SIGLEC5: variants seen among roughly 807,000 people sequenced by gnomAD.
SIGLEC5 encodes sialic acid binding Ig like lectin 5.
SIGLEC5 carries 34 observed loss-of-function variants against 45.9 expected under a neutral mutation model. The observed-to-expected ratio is 0.74, with a 90% confidence interval of 0.56 to 0.99. The LOEUF (loss-of-function observed/expected upper bound fraction) is 0.99. SIGLEC5 is among the 50% of genes least tolerant of loss of function. SIGLEC5 has a pLI of 0.00. For missense variants in SIGLEC5, 508 were observed against 629.6 expected (o/e 0.81, Z 2.07); for synonymous variants, 203 against 258.6 (o/e 0.79, Z 2.06).
intron 8 of SIGLEC5, among the ~76,000 whole-genome samples, 157 bp downstream of exon 8, chr19:51,625,875 A>T (rs1475962266): frequency 6.6e-6 from 1 of 152,180 alleles, no homozygotes; most frequent in African/African-American, 2.4e-5. Flanking sequence ...GTTGAATGGG[A>T]CATAATGATT....
rs751808822 is a variant in SIGLEC5 at position 51,627,873 on chromosome 19, G to A, written c.958C>T (p.Leu320=). 1.9e-6 allele frequency: 3 copies of A among 1,611,390 alleles called. No homozygotes were observed. Among genetic ancestry groups the A allele is most frequent in the African/African-American group, 2.7e-5 (2 of 74,834 alleles). Residue 320 remains leucine, a synonymous_variant, in exon 5 of 9, where the codon CTG becomes TTG. Coordinates refer to ENST00000683636, the MANE Select transcript of SIGLEC5 (RefSeq NM_003830.4). ...TTCAGAAAAATTTGCAGGAAGCCCA[G>A]CGGGTGCTGAGCGCGGCAGGTGAAG... The part of the protein sequence containing the change: ...GGFTCRAQHP[L]GFLQIFLNLS...
intron 8 of SIGLEC5, among the ~76,000 whole-genome samples, chr19:51,618,458 A>AAAAAAAAC (rs1983151328): frequency 6.7e-6 from 1 of 149,882 alleles, no homozygotes; most frequent in Non-Finnish European, 1.5e-5. Context: ...AAAAAAAAAA[A>AAAAAAAAC]AAAAAAAAAA....
intron 8 of SIGLEC5, among the ~76,000 whole-genome samples, chr19:51,615,480 A>G (rs1983019591): frequency 6.6e-6 from 1 of 152,156 alleles, no homozygotes; most frequent in African/African-American, 2.4e-5. Context: ...CAGGATTATG[A>G]TGTGCCAGTG....
chr19:51,623,666 TGA>T (rs1983374348), intron 8 of SIGLEC5, among the ~76,000 whole-genome samples: 1 of 152,154 alleles, frequency 6.6e-6, no homozygotes, highest in Admixed American at 6.6e-5. Context: ...TAGGCATAGA[TGA>T]GAGTATAAAT....
rs1258799443 is a variant in SIGLEC5, at chr19:51,611,298, G to A, written c.*933C>T. ...AGGGAGAGTATAAGTTCTTTCTTCA[G>A]TCCACTCTTCCAACTCAAGACCACC... On this transcript the variant is annotated 3_prime_UTR_variant, in exon 9 of 9. Coordinates refer to ENST00000683636, the MANE Select transcript of SIGLEC5 (RefSeq NM_003830.4). 1.3e-5 allele frequency among the ~76,000 whole-genome samples: 2 copies of A among 152,200 alleles called. No homozygotes were observed. Among genetic ancestry groups the A allele is most frequent in the African/African-American group, 4.8e-5 (2 of 41,440 alleles).
chr19:51,620,058 A>AAAAT (rs1555788062), intron 8 of SIGLEC5, among the ~76,000 whole-genome samples: 1 of 149,026 alleles, frequency 6.7e-6, no homozygotes, highest in Non-Finnish European at 1.5e-5. Context: ...CTTTTGTCAA[A>AAAAT]ATATATATAT....
At chr19:51,625,353 G>A (rs1983437369) in intron 8 of SIGLEC5, among the ~76,000 whole-genome samples, 1 of 152,200 alleles carries the variant, frequency 6.6e-6, no homozygotes, top group African/African-American at 2.4e-5. Context: ...CTAAGCAACA[G>A]GAACAAACAA....
rs1303355472 is a variant in SIGLEC5 at position 51,626,017 on chromosome 19, C to T, written c.1464+15G>A. On this transcript the variant is annotated intron_variant, in intron 8 of 8. Coordinates refer to ENST00000683636, the MANE Select transcript of SIGLEC5 (RefSeq NM_003830.4). ...CGAGTGGACATGCACATGAGAAGAT[C>T]CCCAAACCACTCACCGAGGTGATGG... is the stretch of plus-strand genomic sequence containing the variant. The T allele has an allele frequency of 8.7e-6, 14 of 1,609,848 alleles. No individual in the cohort carries two copies. Among genetic ancestry groups the T allele is most frequent in the African/African-American group, 1.3e-5 (1 of 74,760 alleles).
intron 8 of SIGLEC5, among the ~76,000 whole-genome samples, chr19:51,615,496 C>T (rs1983020482): frequency 6.6e-6 from 1 of 152,286 alleles, no homozygotes; most frequent in Non-Finnish European, 1.5e-5. Flanking sequence ...CAGTGTCCAA[C>T]AGGCATGTGT....
At chr19:51,616,572 G>T (rs757590570) in intron 8 of SIGLEC5, among the ~76,000 whole-genome samples, 28 of 152,120 alleles carry the variant, frequency 1.8e-4, no homozygotes, top group Non-Finnish European at 3.8e-4. Flanking sequence ...AGGGAAGGAT[G>T]AAGACTAGAA....
chr19:51,626,177 A>T, intron 7 of SIGLEC5, 64 bp from the exon 8 acceptor site: 1 of 1,307,480 alleles, frequency 7.6e-7, no homozygotes, highest in South Asian at 1.2e-5. Context: ...GGGTTGTCCC[A>T]TCCCATGCTA....
In SIGLEC5 at chr19:51,612,222, G is replaced by A. The variant is rs1247780550; in HGVS notation, c.*9C>T. 1.9e-6 allele frequency: 3 copies of A among 1,585,588 alleles called. No individual in the cohort carries two copies. The highest frequency in any genetic ancestry group is 2.6e-6 in the Non-Finnish European group (3 of 1,162,164). On this transcript the variant is annotated 3_prime_UTR_variant, in exon 9 of 9. Coordinates refer to ENST00000683636, the MANE Select transcript of SIGLEC5 (RefSeq NM_003830.4). ...CTCCTCCAGCCAGGACTGAACTCTG[G>A]GCAAATCCTCACTTGCTTGTCTTGA...
chr19:51,615,331 G>A (rs1983013342), intron 8 of SIGLEC5, among the ~76,000 whole-genome samples: 1 of 152,156 alleles, frequency 6.6e-6, no homozygotes. Context: ...AAAGGGGTGG[G>A]AGAACTGGGC....
At chr19:51,613,277 G>C (rs1420045027) in intron 8 of SIGLEC5, among the ~76,000 whole-genome samples, 1 of 152,160 alleles carries the variant, frequency 6.6e-6, no homozygotes, top group Non-Finnish European at 1.5e-5. Flanking sequence ...CTGTGAACAT[G>C]ATGGCCAGAT....
intron 8 of SIGLEC5, among the ~76,000 whole-genome samples, chr19:51,624,999 T>C (rs981664901): frequency 1.3e-5 from 2 of 151,794 alleles, no homozygotes; most frequent in Non-Finnish European, 2.9e-5. Flanking sequence ...TCTACAGATA[T>C]GATGAGTGGG....
In SIGLEC5 at chr19:51,627,957, G is replaced by A. The variant is rs1176841771; in HGVS notation, c.874C>T (p.Pro292Ser). ...FQGSPALNAT[P>S]ISNTGILELR... The stretch of plus-strand genomic sequence containing the variant: ...TCCAAGATCCCGGTATTGGAGATGG[G>A]GGTGGCGTTCAGGGCAGGGGAGCCC... Residue 292 changes from proline (P) to serine (S), a missense_variant, in exon 5 of 9, where the codon CCC becomes TCC. By Grantham distance (74) the Pro-to-Ser change is moderately conservative. Transcript: ENST00000683636. The A allele has an allele frequency of 6.2e-6, 10 of 1,614,102 alleles. No homozygotes were observed. Among genetic ancestry groups the A allele is most frequent in the Middle Eastern group, 1.6e-4 (1 of 6,062 alleles).
At chr19:51,627,283 C>T (rs1983520129) in intron 6 of SIGLEC5, 35 bp from the exon 7 acceptor site, 1 of 1,598,674 alleles carries the variant, frequency 6.3e-7, no homozygotes, top group African/African-American at 1.3e-5. Flanking sequence ...AACTCACTCC[C>T]AGGACTCAGA....
rs371746250 is a variant in SIGLEC5 at position 51,627,648 on chromosome 19, G to T, written c.1096C>A (p.Arg366=). The change falls in exon 6 of 9, where the codon CGG becomes AGG. Residue 366 remains arginine, a synonymous_variant. Transcript: ENST00000683636. ...RARPAPSLCW[R]LEEKPLEGNS... is the part of the protein sequence containing the mutation. ...CCCTCCAGCGGCTTCTCCTCAAGCC[G>T]CCAGCACAGGGAGGGGGCCGGCCGG... 3.7e-6 allele frequency: 6 copies of T among 1,611,660 alleles called. No individual in the cohort carries two copies. Among genetic ancestry groups the T allele is most frequent in the South Asian group, 2.2e-5 (2 of 90,992 alleles).
At chr19:51,620,569 AT>A (rs1304466247) in intron 8 of SIGLEC5, among the ~76,000 whole-genome samples, 1 of 152,222 alleles carries the variant, frequency 6.6e-6, no homozygotes, top group Non-Finnish European at 1.5e-5. Context: ...ATAAAAACTT[AT>A]TTAGTGATAG....
Sources: allele counts gnomAD v4.1 joint callset (sites outside exome capture counted in the v4.1 genomes callset), GRCh38; gene constraint gnomAD v4.1.1; transcripts MANE v1.5; gene names NCBI Gene and HGNC (gene_info 2026-07-23, HGNC 2026-07-21).